The following BBS5 variants were observed in gnomAD, a reference collection of about 807,000 sequenced individuals.
BBS5 encodes BBSome complex member BBS5.
A neutral mutation model predicts 50.2 loss-of-function variants in BBS5; 39 were observed. The ratio of observed to expected loss-of-function variants is 0.78; its 90% CI spans 0.60 to 1.01. The LOEUF is 1.01. Among genes scored for constraint, BBS5 ranks in the 50% least tolerant of loss-of-function variants. BBS5 has a pLI of 0.00. For missense variants in BBS5, 356 were observed against 401.5 expected (o/e 0.89, Z 0.97); for synonymous variants, 134 against 133.1 (o/e 1.01, Z -0.05).
chr2:169,488,305 A>G (rs1683521650), intron 5 of BBS5, among the ~76,000 whole-genome samples, 191 bp downstream of exon 5: 1 of 152,164 alleles, frequency 6.6e-6, no homozygotes, highest in Non-Finnish European at 1.5e-5. Context: ...TTCTATTACT[A>G]TTATATACTC....
intron 5 of BBS5, among the ~76,000 whole-genome samples, chr2:169,490,547 T>C (rs910526744): frequency 6.6e-6 from 1 of 152,206 alleles, no homozygotes; most frequent in Non-Finnish European, 1.5e-5. Context: ...TACCCTTAGC[T>C]GTCATATATA....
chr2:169,489,258 C>A (rs1237481759), intron 5 of BBS5, among the ~76,000 whole-genome samples: 1 of 151,898 alleles, frequency 6.6e-6, no homozygotes, highest in African/African-American at 2.4e-5. Flanking sequence ...GTCAGGAGTT[C>A]AAGACCAGCC....
At chr2:169,500,847 A>C (rs955021202) in intron 9 of BBS5, among the ~76,000 whole-genome samples, 2 of 152,154 alleles carry the variant, frequency 1.3e-5, no homozygotes, top group Non-Finnish European at 2.9e-5. Context: ...TTCTTTCAGC[A>C]GTCTCCCTTT....
At position 169,504,619 on chromosome 2, in the gene BBS5, T is replaced by C. The variant is rs766379622; in HGVS notation, c.*37T>C. On this transcript the variant is annotated 3_prime_UTR_variant, in exon 12 of 12. Coordinates refer to ENST00000295240, the MANE Select transcript of BBS5 (RefSeq NM_152384.3). ...TTGAGATGGATTTCTATTAAAGATA[T>C]CTCTAGTTTAAAGATACTAGTCACC... The C allele has an allele frequency of 7.5e-6, 11 of 1,471,118 alleles. No homozygotes were observed. The highest frequency in any genetic ancestry group is 2.3e-5 in the East Asian group (1 of 44,166). The allele number at this position is 1,471,118 out of a possible 1,614,324, so 91.1% of individuals were successfully genotyped here.
intron 5 of BBS5, among the ~76,000 whole-genome samples, chr2:169,491,498 AACTTT>A (rs1273714919): frequency 1.3e-5 from 2 of 152,256 alleles, no homozygotes; most frequent in Admixed American, 1.3e-4. Flanking sequence ...AGGCTAAGAA[AACTTT>A]ACTTTTGTTA....
At position 169,504,612 on chromosome 2, in the gene BBS5, A is replaced by G. The variant is rs373456112; in HGVS notation, c.*30A>G. 9.4e-5 allele frequency: 141 copies of G among 1,496,628 alleles called. No homozygotes were observed. Among genetic ancestry groups the G allele is most frequent in the Non-Finnish European group, 1.2e-4 (129 of 1,072,856 alleles). The allele number at this position is 1,496,628 out of a possible 1,614,324, so 92.7% of individuals were successfully genotyped here. A position where few individuals can be genotyped will look rare whatever the true frequency, so the allele number is the denominator to read the frequency against. ...CCTTGAGTTGAGATGGATTTCTATT[A>G]AAGATATCTCTAGTTTAAAGATACT... On this transcript the variant is annotated 3_prime_UTR_variant, in exon 12 of 12. Coordinates refer to ENST00000295240, the MANE Select transcript of BBS5 (RefSeq NM_152384.3).
At chr2:169,492,832 C>G in intron 5 of BBS5, 42 bp from the exon 6 acceptor site, 2 of 1,571,174 alleles carry the variant, frequency 1.3e-6, no homozygotes, top group Non-Finnish European at 1.7e-6. Context: ...AAGAAAATCA[C>G]ATTTTCAGTT....
intron 9 of BBS5, 70 bp downstream of exon 9, chr2:169,499,690 C>T: frequency 1.4e-6 from 2 of 1,419,420 alleles, no homozygotes; most frequent in African/African-American, 2.8e-5. Flanking sequence ...GATGTAGATA[C>T]CACTGTGCAC....
chr2:169,504,715 G>C lies in BBS5; in HGVS notation c.*133G>C. On this transcript the variant is annotated 3_prime_UTR_variant, in exon 12 of 12. Coordinates refer to ENST00000295240, the MANE Select transcript of BBS5 (RefSeq NM_152384.3). ...TAAAACTTGTAAGAGTTTTTTTAAT[G>C]ATTGAGGAAAAAGTCATTTAGAAAA... The C allele has an allele frequency of 8.4e-7, 1 of 1,194,542 alleles. No homozygotes were observed. Among genetic ancestry groups the C allele is most frequent in the Non-Finnish European group, 1.2e-6 (1 of 835,914 alleles). The allele number at this position is 1,194,542 out of a possible 1,614,324, so 74.0% of individuals were successfully genotyped here.
chr2:169,488,978 G>T (rs1055815261), intron 5 of BBS5, among the ~76,000 whole-genome samples: 1 of 152,038 alleles, frequency 6.6e-6, no homozygotes, highest in Non-Finnish European at 1.5e-5. Context: ...TTTTAGGTTT[G>T]TGGCCTTTTT....
At chr2:169,481,440 T>C (rs1056369989) in intron 1 of BBS5, among the ~76,000 whole-genome samples, 40 of 152,160 alleles carry the variant, frequency 2.6e-4, no homozygotes, top group African/African-American at 9.4e-4. Flanking sequence ...GAAGTACAAA[T>C]AGATAAATTA....
chr2:169,494,234 T>C (rs1414054202), intron 7 of BBS5, among the ~76,000 whole-genome samples: 1 of 152,220 alleles, frequency 6.6e-6, no homozygotes, highest in Non-Finnish European at 1.5e-5. Context: ...ACAGTTTTTC[T>C]TGGCTCTCTT....
intron 5 of BBS5, among the ~76,000 whole-genome samples, 185 bp from the exon 6 acceptor site, chr2:169,492,689 G>C (rs115122947): frequency 1.3e-5 from 2 of 151,878 alleles, no homozygotes; most frequent in Admixed American, 1.3e-4. Context: ...GTCCGGCTTG[G>C]GCAAGGTATT....
chr2:169,498,031 A>C (rs1158436355), intron 8 of BBS5, among the ~76,000 whole-genome samples: 1 of 152,190 alleles, frequency 6.6e-6, no homozygotes, highest in Non-Finnish European at 1.5e-5. Context: ...AAGGGAACTG[A>C]GGCTTTGAGA....
intron 9 of BBS5, among the ~76,000 whole-genome samples, chr2:169,502,370 C>T (rs1259085875): frequency 6.6e-6 from 1 of 152,124 alleles, no homozygotes; most frequent in Non-Finnish European, 1.5e-5. Flanking sequence ...CAACTCTGAG[C>T]GTGGTTGAAA....
chr2:169,496,418 T>G (rs1178459808), intron 7 of BBS5, among the ~76,000 whole-genome samples: 2 of 152,160 alleles, frequency 1.3e-5, no homozygotes, highest in Admixed American at 1.3e-4. Flanking sequence ...TATATTAAAC[T>G]TAAATAATTA....
intron 7 of BBS5, 83 bp from the exon 8 acceptor site, chr2:169,497,543 TG>T: frequency 1.2e-6 from 1 of 828,498 alleles, no homozygotes; most frequent in Admixed American, 1.9e-5. Flanking sequence ...AAGTAAATAC[TG>T]TGTAAAGTTT....
Position 169,497,619 on chromosome 2 carries a change from G to A in BBS5, c.619-8G>A, listed in dbSNP as rs1204141903. ...CTTGCATGTTTTTCTTTTTCATTTT[G>A]TATCTAGCGTTCAATAAAGATTAGA... On this transcript the variant is annotated splice_polypyrimidine_tract_variant and splice_region_variant and intron_variant, in intron 7 of 11. Transcript: ENST00000295240. 1 of 1,549,782 alleles carries A rather than the reference G, an allele frequency of 6.5e-7. No homozygotes were observed. Among genetic ancestry groups the A allele is most frequent in the Middle Eastern group, 1.7e-4 (1 of 5,928 alleles).
intron 5 of BBS5, among the ~76,000 whole-genome samples, chr2:169,491,725 A>G (rs1683605397): frequency 6.6e-6 from 1 of 150,560 alleles, no homozygotes; most frequent in Non-Finnish European, 1.5e-5. Flanking sequence ...CCCTTTTGGA[A>G]TCAGTACAGA....
Sources: gnomAD v4.1 joint callset for allele counts (sites outside exome capture counted in the v4.1 genomes callset) on GRCh38, gnomAD v4.1.1 for gene constraint, MANE v1.5 for transcripts, NCBI Gene and HGNC (gene_info 2026-07-23, HGNC 2026-07-21) for gene names.